YPEL2: variants seen among roughly 807,000 people sequenced by gnomAD.
YPEL2 encodes protein yippee-like 2.
A neutral mutation model predicts 19.1 loss-of-function variants in YPEL2; 2 were observed. That is an observed-to-expected ratio of 0.10 (90% CI 0.04 to 0.33). The LOEUF (loss-of-function observed/expected upper bound fraction) is 0.33, where lower values mean the gene tolerates loss of function less well. YPEL2 is among the 10% of genes least tolerant of loss of function. The pLI is 1.00. For missense variants in YPEL2, 66 were observed against 140.7 expected, an observed-to-expected ratio of 0.47 and a Z score of 2.68; for synonymous variants, 52 against 50.0, an observed-to-expected ratio of 1.04 and a Z score of -0.17.
chr17:59,332,787 G>T (rs1184993133), intron 1 of YPEL2, among the ~76,000 whole-genome samples: 4 of 152,232 alleles, frequency 2.6e-5, no homozygotes, highest in African/African-American at 9.6e-5. Context: ...TCCCGCCGCT[G>T]TGAAAGGCCC....
intron 2 of YPEL2, among the ~76,000 whole-genome samples, chr17:59,384,094 A>T (rs2047968334): frequency 1.3e-5 from 2 of 152,228 alleles, no homozygotes; most frequent in South Asian, 4.1e-4. Context: ...CAGTTGCTAC[A>T]CATTCATGCC....
rs997889613 is a variant in YPEL2 at position 59,400,613 on chromosome 17, T to A, written c.*3423T>A. 3 of 152,618 alleles carry A rather than the reference T, an allele frequency of 2.0e-5. No homozygotes were observed. Among genetic ancestry groups the A allele is most frequent in the African/African-American group, 7.2e-5 (3 of 41,462 alleles). The allele number at this position is 152,618 out of a possible 1,614,324, so 9.5% of individuals were successfully genotyped here. Reference sequence around the variant, plus strand: ...TTAATCAGGTTGAGAATTGAAATATTTTCTTGCATCAGTATTGGCTAGAAA... The same window carrying A: ...TTAATCAGGTTGAGAATTGAAATATATTCTTGCATCAGTATTGGCTAGAAA... On this transcript the variant is annotated 3_prime_UTR_variant, in exon 5 of 5. Coordinates refer to ENST00000312655, the MANE Select transcript of YPEL2 (RefSeq NM_001005404.4).
At chr17:59,364,263 C>G (rs985353761) in intron 2 of YPEL2, among the ~76,000 whole-genome samples, 1 of 152,120 alleles carries the variant, frequency 6.6e-6, no homozygotes, top group Non-Finnish European at 1.5e-5. Context: ...CTGAGGGCCT[C>G]TTGATTTTGC....
chr17:59,382,538 T>C (rs1421097594), intron 2 of YPEL2, among the ~76,000 whole-genome samples: 1 of 152,258 alleles, frequency 6.6e-6, no homozygotes, highest in Non-Finnish European at 1.5e-5. Context: ...ACTCCTAATA[T>C]ATATGTACTT....
chr17:59,384,846 G>A (rs2047972470), intron 2 of YPEL2, among the ~76,000 whole-genome samples: 1 of 152,128 alleles, frequency 6.6e-6, no homozygotes, highest in Non-Finnish European at 1.5e-5. Flanking sequence ...AGAAGTGAAT[G>A]CATTCTTCAA....
In YPEL2 at chr17:59,353,197, C is replaced by T. The variant is rs553884744; in HGVS notation, c.-195-18C>T. 2 of 472,042 alleles carry T rather than the reference C, an allele frequency of 4.2e-6. No homozygotes were observed. Among genetic ancestry groups the T allele is most frequent in the Non-Finnish European group, 7.5e-6 (2 of 266,364 alleles). 29.2% of individuals were successfully genotyped at this position (472,042 alleles called of 1,614,324 possible). A position where few individuals can be genotyped will look rare whatever the true frequency, so the allele number is the denominator to read the frequency against. On this transcript the variant is annotated intron_variant, in intron 1 of 4. Coordinates refer to ENST00000312655, the MANE Select transcript of YPEL2 (RefSeq NM_001005404.4). The surrounding 1 kb of genome is among the most constrained non-coding windows in gnomAD (Gnocchi z 4.8). The stretch of plus-strand genomic sequence containing the variant: ...TGCTCCATCAGCCAATGTTAGTCCT[C>T]TTCCCTTGATGTTACAGGCTGCTGA...
At chr17:59,350,820 CTG>C (rs1370095338) in intron 1 of YPEL2, among the ~76,000 whole-genome samples, 8 of 152,148 alleles carry the variant, frequency 5.3e-5, no homozygotes, top group Admixed American at 1.3e-4. Context: ...AAAACAGACT[CTG>C]TATCTGCTCT....
At chr17:59,364,939 C>T (rs138338857) in intron 2 of YPEL2, among the ~76,000 whole-genome samples, 11 of 152,252 alleles carry the variant, frequency 7.2e-5, no homozygotes, top group Non-Finnish European at 1.2e-4. Flanking sequence ...TCCGCCTTTG[C>T]GTCTTAATGG....
Position 59,392,512 on chromosome 17 carries a change from T to G in YPEL2, c.270+3044T>G, listed in dbSNP as rs1377936102. ...TATGTGCCAGCTCAGGGCACGTTTT[T>G]TTTTTTTTTTTTTTTTGAGATGGAG... is the stretch of plus-strand genomic sequence containing the variant. On this transcript the variant is annotated intron_variant, in intron 4 of 4. Transcript: ENST00000312655. Among the ~76,000 whole-genome samples, 6 of 145,246 alleles carry G rather than the reference T, an allele frequency of 4.1e-5. No homozygotes were observed. In the East Asian group the frequency reaches 1.2e-3, roughly 30 times the overall value.
At chr17:59,372,720 C>T (rs1469264553) in intron 2 of YPEL2, among the ~76,000 whole-genome samples, 1 of 152,204 alleles carries the variant, frequency 6.6e-6, no homozygotes, top group Non-Finnish European at 1.5e-5. Context: ...CTAAGAGAGG[C>T]AGGAGCCTTG....
chr17:59,390,868 T>C (rs867327351), intron 4 of YPEL2, among the ~76,000 whole-genome samples: 6 of 152,234 alleles, frequency 3.9e-5, no homozygotes, highest in South Asian at 4.1e-4. Flanking sequence ...CTGTGTGTCC[T>C]TGGACAAGCT....
intron 2 of YPEL2, among the ~76,000 whole-genome samples, chr17:59,370,088 G>A (rs147079130): frequency 6.6e-6 from 1 of 152,078 alleles, no homozygotes; most frequent in Non-Finnish European, 1.5e-5. Context: ...ACGGAGTCTC[G>A]CTCTGTCGCC....
At chr17:59,335,024 C>G (rs2047692097) in intron 1 of YPEL2, among the ~76,000 whole-genome samples, 1 of 152,192 alleles carries the variant, frequency 6.6e-6, no homozygotes, top group Non-Finnish European at 1.5e-5. Context: ...AGGCAAACCA[C>G]TAGGTGCTCT....
At chr17:59,356,069 A>T (rs1313987488) in intron 2 of YPEL2, 3 of 152,092 alleles carry the variant, frequency 2.0e-5, no homozygotes. Flanking sequence ...TCCTCCTTGG[A>T]AAATAGGCCT....
chr17:59,354,987 C>G lies in YPEL2; in HGVS notation c.117+1461C>G, dbSNP rs1026831588. The stretch of plus-strand genomic sequence containing the variant: ...AGTTGTCCTTTTTTTTTTTTCCCCC[C>G]CTTTGGAAATCTCCAGAGAAATTAT... On this transcript the variant is annotated intron_variant, in intron 2 of 4. Coordinates refer to ENST00000312655, the MANE Select transcript of YPEL2 (RefSeq NM_001005404.4). 61 of 151,456 alleles carry G rather than the reference C, an allele frequency of 4.0e-4. 1 individual carries two copies. Among genetic ancestry groups the G allele is most frequent in the Admixed American group, 2.1e-3 (32 of 15,252 alleles). 9.4% of individuals were successfully genotyped at this position (151,456 alleles called of 1,614,324 possible). A position where few individuals can be genotyped will look rare whatever the true frequency, so the allele number is the denominator to read the frequency against.
At chr17:59,369,191 A>G (rs533766994) in intron 2 of YPEL2, among the ~76,000 whole-genome samples, 13 of 152,362 alleles carry the variant, frequency 8.5e-5, no homozygotes, top group Admixed American at 5.2e-4. Context: ...TAAAGAGAGA[A>G]TTCAGTTGCA....
At chr17:59,397,000 C>T in intron 4 of YPEL2, 101 bp from the exon 5 acceptor site, 1 of 806,946 alleles carries the variant, frequency 1.2e-6, no homozygotes, top group Non-Finnish European at 1.9e-6. Context: ...CATTGCACTC[C>T]AGCCTGGGTG....
At position 59,397,846 on chromosome 17, in the gene YPEL2, G is replaced by A. The variant is rs1467875802; in HGVS notation, c.*656G>A. ...GGCCTGGTTCTCCTGGGCTGAGTGG[G>A]GGAGTGTCCTGGCAGCAGCGAGTGA... On this transcript the variant is annotated 3_prime_UTR_variant, in exon 5 of 5. Transcript: ENST00000312655. 1 of 152,480 alleles carries A rather than the reference G, an allele frequency of 6.6e-6. No individual in the cohort carries two copies. Among genetic ancestry groups the A allele is most frequent in the Non-Finnish European group, 1.5e-5 (1 of 68,232 alleles). The allele number at this position is 152,480 out of a possible 1,614,324, so 9.4% of individuals were successfully genotyped here.
intron 4 of YPEL2, among the ~76,000 whole-genome samples, chr17:59,393,839 T>C (rs914732727): frequency 6.6e-6 from 1 of 151,516 alleles, no homozygotes; most frequent in African/African-American, 2.4e-5. Context: ...GGTAAGGTCA[T>C]AGATCAACAG....
Sources: allele counts gnomAD v4.1 joint callset (sites outside exome capture counted in the v4.1 genomes callset), GRCh38; gene constraint gnomAD v4.1.1; non-coding constraint Gnocchi (gnomAD v3.1); transcripts MANE v1.5; gene names NCBI Gene and HGNC (gene_info 2026-07-23, HGNC 2026-07-21).